Variants in DCAF13 observed in about 807,000 individuals in gnomAD.
DCAF13 encodes the protein DDB1 and CUL4 associated factor 13, also known as DDB1- and CUL4-associated factor 13.
A neutral mutation model predicts 59.0 loss-of-function variants in DCAF13; 38 were observed. That is an observed-to-expected ratio of 0.64 (90% CI 0.50 to 0.84). The LOEUF (loss-of-function observed/expected upper bound fraction) is 0.84. Among genes scored for constraint, DCAF13 ranks in the 40% least tolerant of loss-of-function variants. The pLI, the probability that DCAF13 is intolerant of heterozygous loss-of-function variation, is 0.00. For synonymous variants in DCAF13, 173 were observed against 175.0 expected (o/e 0.99, Z 0.09); for missense variants, 469 against 558.4 (o/e 0.84, Z 1.61).
intron 6 of DCAF13, among the ~76,000 whole-genome samples, chr8:103,432,347 T>C (rs1223291463): frequency 1.3e-5 from 2 of 152,200 alleles, no homozygotes; most frequent in African/African-American, 2.4e-5. Context: ...AAGCTCACCA[T>C]TAATTTTGCC....
chr8:103,431,253 C>G (rs1042240558), intron 6 of DCAF13, among the ~76,000 whole-genome samples: 1 of 152,084 alleles, frequency 6.6e-6, no homozygotes, highest in African/African-American at 2.4e-5. Context: ...ACAACTTAAG[C>G]TAACTCTCAA....
intron 10 of DCAF13, 101 bp from the exon 11 acceptor site, chr8:103,442,694 G>C: frequency 1.5e-6 from 1 of 664,770 alleles, no homozygotes. Context: ...TTTTTAAATA[G>C]GTGTTTTTCT....
chr8:103,427,985 T>A (rs1456412949), intron 5 of DCAF13: 1 of 152,206 alleles, frequency 6.6e-6, no homozygotes, highest in African/African-American at 2.4e-5. Context: ...GAAAAGGCAA[T>A]CATAGCATAT....
At chr8:103,428,521 C>T (rs1356954638) in intron 5 of DCAF13, 1 of 152,138 alleles carries the variant, frequency 6.6e-6, no homozygotes, top group Non-Finnish European at 1.5e-5. Flanking sequence ...GAGTGTCTGT[C>T]TCTATTATAT....
At chr8:103,424,273 CGCCTCA>C (rs1174737251) in intron 3 of DCAF13, among the ~76,000 whole-genome samples, 2 of 152,154 alleles carry the variant, frequency 1.3e-5, no homozygotes, top group Non-Finnish European at 2.9e-5. Context: ...GTGATCCACC[CGCCTCA>C]GCCTCTGAAA....
At position 103,437,337 on chromosome 8, in the gene DCAF13, A is replaced by G. The variant is rs556250801; in HGVS notation, c.950+1547A>G. On this transcript the variant is annotated intron_variant, in intron 8 of 10. Transcript: ENST00000612750. Reference sequence around the variant, plus strand: ...TAGGATAGTATTTTTCCAACATGGTACATAAGTAGACAAAAGAATGAAACG... The same window carrying G: ...TAGGATAGTATTTTTCCAACATGGTGCATAAGTAGACAAAAGAATGAAACG... Among the ~76,000 whole-genome samples the G allele has an allele frequency of 3.7e-4, 57 of 152,290 alleles. 2 individuals are homozygous for G. The South Asian group carries it at 0.011, about 29-fold the overall frequency.
chr8:103,426,562 G>A (rs1465588107), intron 4 of DCAF13, among the ~76,000 whole-genome samples: 1 of 152,132 alleles, frequency 6.6e-6, no homozygotes, highest in African/African-American at 2.4e-5. Context: ...TATGCATCAT[G>A]TATAAATCTT....
In DCAF13 at chr8:103,420,906, A is replaced by G. The variant is rs539634733; in HGVS notation, c.271-69A>G. 2.7e-4 allele frequency: 299 copies of G among 1,100,476 alleles called. 1 individual carries two copies. In the East Asian group the frequency reaches 7.0e-3, roughly 26 times the overall value. 68.2% of individuals were successfully genotyped at this position (1,100,476 alleles called of 1,614,324 possible). On this transcript the variant is annotated intron_variant, in intron 2 of 10. Coordinates refer to ENST00000612750, the MANE Select transcript of DCAF13 (RefSeq NM_015420.7). ...CAGTAGAGTGATTCGTAGCCTTGTCAGTGTTGAATTTATCCTGAACATTTT... is the reference window on the plus strand; with the variant it reads ...CAGTAGAGTGATTCGTAGCCTTGTCGGTGTTGAATTTATCCTGAACATTTT...
chr8:103,424,527 A>G (rs908016009), intron 3 of DCAF13, among the ~76,000 whole-genome samples: 4 of 152,224 alleles, frequency 2.6e-5, no homozygotes, highest in Non-Finnish European at 5.9e-5. Flanking sequence ...CAGCCTGGAG[A>G]TGAGATGTTC....
chr8:103,432,712 C>A lies in DCAF13; in HGVS notation c.756C>A (p.Phe252Leu). 6.2e-7 allele frequency: 1 copy of A among 1,604,116 alleles called. No homozygotes were observed. Among genetic ancestry groups the A allele is most frequent in the South Asian group, 1.1e-5 (1 of 90,742 alleles). The change falls in exon 7 of 11, where the codon TTC becomes TTA. Residue 252 changes from phenylalanine (F) to leucine (L), a missense_variant. By Grantham distance (22) the Phe-to-Leu change is conservative (BLOSUM62 0). Transcript: ENST00000612750. ...NTICWNPMEAFIFTAANEDYN... is the reference protein window; with the variant it reads ...NTICWNPMEALIFTAANEDYN... The stretch of plus-strand genomic sequence containing the variant: ...TCTGTTGGAACCCTATGGAAGCTTT[C>A]ATTTTTACAGCAGCAAATGAAGATT...
At chr8:103,419,983 T>C (rs957536014) in intron 1 of DCAF13, among the ~76,000 whole-genome samples, 11 of 140,138 alleles carry the variant, frequency 7.8e-5, no homozygotes, top group Admixed American at 6.8e-4. Flanking sequence ...CACTCCAGCC[T>C]GGTGACGGAG....
chr8:103,440,523 A>C (rs1431448871), intron 9 of DCAF13: 1 of 255,788 alleles, frequency 3.9e-6, no homozygotes, highest in Non-Finnish European at 7.4e-6. Context: ...CAGATGTTTG[A>C]TAATATTGAG....
At chr8:103,425,821 CT>C (rs1295561944) in intron 3 of DCAF13, among the ~76,000 whole-genome samples, 7 of 152,060 alleles carry the variant, frequency 4.6e-5, no homozygotes, top group Non-Finnish European at 7.4e-5. Flanking sequence ...AACTTTGCCC[CT>C]GTTCTTGTTT....
At chr8:103,419,145 A>G (rs1381906476) in intron 1 of DCAF13, among the ~76,000 whole-genome samples, 3 of 151,834 alleles carry the variant, frequency 2.0e-5, no homozygotes, top group African/African-American at 7.3e-5. Context: ...CGGCCCCCCA[A>G]AGTGCTGGGA....
chr8:103,428,523 C>T (rs3098227), intron 5 of DCAF13: 33,457 of 152,012 alleles, frequency 0.22, 3,808 homozygotes, highest in East Asian at 0.34. Context: ...GTGTCTGTCT[C>T]TATTATATCT....
Position 103,443,096 on chromosome 8 carries a change from G to A in DCAF13, c.*214G>A. 2.5e-6 allele frequency: 1 copy of A among 394,970 alleles called. No individual in the cohort carries two copies. The highest frequency in any genetic ancestry group is 4.5e-6 in the Non-Finnish European group (1 of 221,116). The allele number at this position is 394,970 out of a possible 1,614,324, so 24.5% of individuals were successfully genotyped here. ...CCTTAATCTGCATTCTTCTTTCATT[G>A]TAGAATACAGTATTTGCAACTCATT... On this transcript the variant is annotated 3_prime_UTR_variant, in exon 11 of 11. Transcript: ENST00000612750.
rs1463139305 is a variant in DCAF13, at chr8:103,418,856, A to ATT, written c.71-1407_71-1406insTT. On this transcript the variant is annotated intron_variant, in intron 1 of 10. Coordinates refer to ENST00000612750, the MANE Select transcript of DCAF13 (RefSeq NM_015420.7). Reference sequence around the variant, plus strand: ...TATATATATATATATATATATATATATATATATATATTTTTTTTTTTTTTT... The same window carrying ATT: ...TATATATATATATATATATATATATATTTATATATATATTTTTTTTTTTTTTT... Among the ~76,000 whole-genome samples the ATT allele has an allele frequency of 5.3e-3, 163 of 30,488 alleles. 7 individuals are homozygous for ATT. Among genetic ancestry groups the ATT allele is most frequent in the East Asian group, 0.028 (22 of 794 alleles). 20.0% of individuals were successfully genotyped at this position (30,488 alleles called of 152,430 possible).
At chr8:103,420,122 GGTCTT>G in intron 1 of DCAF13, 137 bp from the exon 2 acceptor site, 1 of 744,784 alleles carries the variant, frequency 1.3e-6, no homozygotes, top group East Asian at 2.8e-5. Context: ...CTGAACAACA[GGTCTT>G]CTACTTTTGT....
intron 3 of DCAF13, among the ~76,000 whole-genome samples, chr8:103,424,015 T>C (rs1055327377): frequency 6.6e-6 from 1 of 151,912 alleles, no homozygotes; most frequent in Non-Finnish European, 1.5e-5. Context: ...TCTCGGTTTT[T>C]CAAAAAGATT....
Sources: gnomAD v4.1 joint callset for allele counts (sites outside exome capture counted in the v4.1 genomes callset) on GRCh38, gnomAD v4.1.1 for gene constraint, MANE v1.5 for transcripts, NCBI Gene and HGNC (gene_info 2026-07-23, HGNC 2026-07-21) for gene names.